The following ABCA8 variants were observed in gnomAD, a reference collection of about 807,000 sequenced individuals.
The protein encoded by ABCA8 is ATP binding cassette subfamily A member 8.
ABCA8 carries 177 observed loss-of-function variants against 192.3 expected under a neutral mutation model. The ratio of observed to expected loss-of-function variants is 0.92; its 90% CI spans 0.81 to 1.04. ABCA8 has a LOEUF of 1.04. Among genes scored for constraint, ABCA8 ranks in the 50% least tolerant of loss-of-function variants. The pLI is 0.00. For synonymous variants in ABCA8, 642 were observed against 690.2 expected (o/e 0.93, Z 1.09); for missense variants, 1,915 against 1,904.8 (o/e 1.01, Z -0.10).
At chr17:68,871,394 A>G (rs1016751986) in intron 37 of ABCA8, among the ~76,000 whole-genome samples, 1 of 152,196 alleles carries the variant, frequency 6.6e-6, no homozygotes, top group Non-Finnish European at 1.5e-5. Context: ...AATGGTAATT[A>G]AATTCCGACA....
At position 68,911,742 on chromosome 17, in the gene ABCA8, C is replaced by T. The variant is rs1400270048; in HGVS notation, c.2139-3863G>A. On this transcript the variant is annotated intron_variant, in intron 17 of 39. Coordinates refer to ENST00000586539, the MANE Select transcript of ABCA8 (RefSeq NM_001288985.2). This position sits in a 1 kb window ranked among gnomAD's most constrained non-coding sequence, Gnocchi z 5.7. ...AGCTCCAGACAGCTCAATACACACACACACACACACACACACACACACACA... is the reference window on the plus strand; with the variant it reads ...AGCTCCAGACAGCTCAATACACACATACACACACACACACACACACACACA... 6.6e-6 allele frequency among the ~76,000 whole-genome samples: 1 copy of T among 150,844 alleles called. No individual in the cohort carries two copies. The highest frequency in any genetic ancestry group is 2.0e-4 in the East Asian group (1 of 5,108).
chr17:68,950,080 G>A (rs111606828), intron 1 of ABCA8, among the ~76,000 whole-genome samples: 5,888 of 152,184 alleles, frequency 0.039, 356 homozygotes, highest in African/African-American at 0.13. Flanking sequence ...AAGCTGGTAG[G>A]CAACTTCAGC....
At chr17:68,953,799 CTG>C (rs768371169) in intron 1 of ABCA8, among the ~76,000 whole-genome samples, 4 of 152,180 alleles carry the variant, frequency 2.6e-5, no homozygotes, top group Non-Finnish European at 5.9e-5. Context: ...CTTGCTGAAA[CTG>C]TGATGTGCTA....
chr17:68,941,340 G>C (rs2143765227), intron 3 of ABCA8, among the ~76,000 whole-genome samples: 1 of 152,140 alleles, frequency 6.6e-6, no homozygotes, highest in Non-Finnish European at 1.5e-5. Context: ...TGATCTTAGG[G>C]GAAAAAACTT....
Position 68,887,421 on chromosome 17 carries a change from T to C in ABCA8, c.3230A>G (p.Tyr1077Cys). 6.2e-7 allele frequency: 1 copy of C among 1,613,752 alleles called. No homozygotes were observed. The highest frequency in any genetic ancestry group is 8.5e-7 in the Non-Finnish European group (1 of 1,179,810). The part of the protein sequence containing the change: ...FGQALVDVSL[Y>C]FLVFVFIYLM... The stretch of plus-strand genomic sequence containing the variant: ...ATATATAAAAACGAAGACCAAGAAG[T>C]ACAGGGAAACATCCACCAGCGCCTG... The change falls in exon 25 of 40, where the codon TAC becomes TGC. Residue 1077 changes from tyrosine (Y) to cysteine (C), a missense_variant. Physicochemically the swap from Tyr to Cys is radical, Grantham distance 194. Transcript: ENST00000586539.
intron 3 of ABCA8, 139 bp downstream of exon 3, chr17:68,941,800 G>A (rs996197987): frequency 3.6e-6 from 2 of 554,784 alleles, no homozygotes; most frequent in Non-Finnish European, 6.3e-6. Flanking sequence ...GAAGAATAGC[G>A]TTTTCTGTTG....
intron 22 of ABCA8, 132 bp from the exon 23 acceptor site, chr17:68,894,442 A>G (rs114810634): frequency 1.3e-6 from 1 of 754,630 alleles, no homozygotes; most frequent in Non-Finnish European, 2.1e-6. Flanking sequence ...TAAAAAGCCA[A>G]ACACTGTGTA....
At chr17:68,889,728 G>A (rs945801817) in intron 24 of ABCA8, among the ~76,000 whole-genome samples, 3 of 152,028 alleles carry the variant, frequency 2.0e-5, no homozygotes, top group Non-Finnish European at 2.9e-5. Context: ...CCCACACCCC[G>A]AGCCTGCCTT....
intron 3 of ABCA8, 23 bp downstream of exon 3, chr17:68,941,916 A>G (rs1416549494): frequency 1.3e-6 from 2 of 1,512,618 alleles, no homozygotes; most frequent in South Asian, 1.1e-5. Flanking sequence ...TAAATAGAGA[A>G]TAACACGGAT....
chr17:68,898,186 C>T (rs549103459), intron 21 of ABCA8, among the ~76,000 whole-genome samples: 1 of 152,142 alleles, frequency 6.6e-6, no homozygotes, highest in South Asian at 2.1e-4. Flanking sequence ...ATTCAAAGTA[C>T]TGAAAAAAAT....
chr17:68,939,034 C>G (rs1307468940), intron 4 of ABCA8, among the ~76,000 whole-genome samples: 1 of 152,138 alleles, frequency 6.6e-6, no homozygotes, highest in Non-Finnish European at 1.5e-5. Flanking sequence ...ACAGGACACA[C>G]CATTTGCCAT....
Position 68,951,303 on chromosome 17 carries a change from T to G in ABCA8, c.-166-1831A>C, listed in dbSNP as rs111469940. 4.3e-3 allele frequency among the ~76,000 whole-genome samples: 654 copies of G among 152,374 alleles called. 9 individuals are homozygous for G. The highest frequency in any genetic ancestry group is 0.014 in the African/African-American group (603 of 41,590). On this transcript the variant is annotated intron_variant, in intron 1 of 39. Transcript: ENST00000586539. ...GTTTTTAGTGACTTTTTATTTTTGA[T>G]TTCTAACAATTATATTGTGACCAAA...
intron 24 of ABCA8, among the ~76,000 whole-genome samples, chr17:68,890,835 T>G (rs1567833404): frequency 6.6e-6 from 1 of 152,218 alleles, no homozygotes; most frequent in Non-Finnish European, 1.5e-5. Context: ...TATTTTTTAT[T>G]CGTGTTTTAC....
intron 38 of ABCA8, 95 bp from the exon 39 acceptor site, chr17:68,868,451 TTAAA>T: frequency 9.7e-7 from 1 of 1,034,742 alleles, no homozygotes; most frequent in South Asian, 1.5e-5. Flanking sequence ...TTTAAAAATC[TTAAA>T]TAGGTTAAGG....
rs765731645 is a variant in ABCA8 at position 68,944,359 on chromosome 17, T to TATATAC, written c.-5-2321_-5-2320insGTATAT. 1.2e-3 allele frequency among the ~76,000 whole-genome samples: 80 copies of TATATAC among 69,422 alleles called. 1 individual carries two copies. Among genetic ancestry groups the TATATAC allele is most frequent in the African/African-American group, 3.3e-3 (61 of 18,304 alleles). 45.5% of individuals were successfully genotyped at this position (69,422 alleles called of 152,430 possible). Reference sequence around the variant, plus strand: ...ATATATATATATATATATATATATATACACATATACATACATATGCAAACA... The same window carrying TATATAC: ...ATATATATATATATATATATATATATATATACACACATATACATACATATGCAAACA... On this transcript the variant is annotated intron_variant, in intron 2 of 39. Transcript: ENST00000586539.
At position 68,940,914 on chromosome 17, in the gene ABCA8, G is replaced by C; in HGVS notation, c.145C>G (p.His49Asp). 1 of 1,612,506 alleles carries C rather than the reference G, an allele frequency of 6.2e-7. No individual in the cohort carries two copies. Among genetic ancestry groups the C allele is most frequent in the South Asian group, 1.1e-5 (1 of 91,044 alleles). Residue 49 changes from histidine (H) to aspartate (D), a missense_variant, in exon 4 of 40, where the codon CAT (histidine) becomes GAT (aspartate). Coordinates refer to ENST00000586539, the MANE Select transcript of ABCA8 (RefSeq NM_001288985.2). ...LLLLCLYIYP[H>D]SHQVNDFSSL... ...GAAAAATCATTTACTTGATGACTAT[G>C]AGGATATATATACAAACAAAGTAGT... is the stretch of plus-strand genomic sequence containing the variant.
intron 1 of ABCA8, among the ~76,000 whole-genome samples, chr17:68,952,435 G>A (rs2068593609): frequency 6.6e-6 from 1 of 152,128 alleles, no homozygotes; most frequent in African/African-American, 2.4e-5. Flanking sequence ...AGCTCGGATG[G>A]TCTCGATCTC....
At chr17:68,955,032 C>A (rs566268103) in intron 1 of ABCA8, among the ~76,000 whole-genome samples, 187 bp downstream of exon 1, 1 of 152,202 alleles carries the variant, frequency 6.6e-6, no homozygotes, top group East Asian at 1.9e-4. Context: ...ATATTAATTA[C>A]CAGATATAAA....
chr17:68,883,002 A>T (rs2066371512), intron 29 of ABCA8, among the ~76,000 whole-genome samples: 1 of 152,238 alleles, frequency 6.6e-6, no homozygotes, highest in South Asian at 2.1e-4. Context: ...CCATGTTGAC[A>T]TCATTATGTT....
Sources: gnomAD v4.1 joint callset for allele counts (sites outside exome capture counted in the v4.1 genomes callset) on GRCh38, gnomAD v4.1.1 for gene constraint, Gnocchi (gnomAD v3.1) non-coding constraint, MANE v1.5 for transcripts, NCBI Gene and HGNC (gene_info 2026-07-23, HGNC 2026-07-21) for gene names.